The following NOS2 variants were observed in gnomAD, a reference collection of about 807,000 sequenced individuals.
NOS2 encodes nitric oxide synthase 2, also known as nitric oxide synthase, inducible.
Under a neutral mutation model 136.0 loss-of-function variants are expected in NOS2, and 96 were observed. That is an observed-to-expected ratio of 0.71 (90% confidence interval 0.60 to 0.84). The LOEUF (loss-of-function observed/expected upper bound fraction) is 0.84, where lower values mean the gene tolerates loss of function less well. Among genes scored for constraint, NOS2 ranks in the 40% least tolerant of loss-of-function variants. NOS2 has a pLI of 0.00. For synonymous variants in NOS2, 539 were observed against 587.5 expected (o/e 0.92, Z 1.20); for missense variants, 1,237 against 1,496.9 (o/e 0.83, Z 2.87).
At chr17:27,769,831 G>T (rs776090116) in intron 15 of NOS2, among the ~76,000 whole-genome samples, 7 of 152,214 alleles carry the variant, frequency 4.6e-5, no homozygotes, top group Non-Finnish European at 8.8e-5. Context: ...ACCTGGAACA[G>T]CTGGGCCCCC....
chr17:27,793,314 A>G (rs1567643506), intron 2 of NOS2, among the ~76,000 whole-genome samples: 2 of 152,106 alleles, frequency 1.3e-5, no homozygotes, highest in Non-Finnish European at 1.5e-5. Flanking sequence ...GTGCTGAAAA[A>G]TTTCAAAAGC....
Position 27,781,126 on chromosome 17 carries a change from C to T in NOS2, c.774G>A (p.Arg258=), listed in dbSNP as rs757008023. Residue 258 remains arginine (R), a synonymous_variant, in exon 8 of 27, where the codon CGG becomes CGA. Coordinates refer to ENST00000313735, the MANE Select transcript of NOS2 (RefSeq NM_000625.4). ...AGCGGATGAGCTGAGCATTCCACAC[C>T]CGGAAGTCGTGCTTGCCATCACTCC... ...PQRSDGKHDF[R]VWNAQLIRYA... The T allele has an allele frequency of 4.3e-6, 7 of 1,612,754 alleles. No individual in the cohort carries two copies. In the African/African-American group the frequency reaches 6.7e-5, roughly 15 times the overall value.
At chr17:27,786,213 G>C (rs1010535750) in intron 5 of NOS2, among the ~76,000 whole-genome samples, 6 of 151,838 alleles carry the variant, frequency 4.0e-5, no homozygotes, top group African/African-American at 1.5e-4. Flanking sequence ...ACAAGGTCAG[G>C]GGATTGAGAT....
rs201611859 is a variant in NOS2 at position 27,762,977 on chromosome 17, G to A, written c.2621C>T (p.Thr874Ile). The change falls in exon 22 of 27, where the codon ACC becomes ATC. Residue 874 changes from threonine to isoleucine, a missense_variant. Physicochemically the swap from Thr to Ile is moderately conservative, Grantham distance 89. Transcript: ENST00000313735. ...CACCTCCAGGAATGTGGGGCTGTTG[G>A]TGAACTTCCACTTGCTGTACTCTGA... ...QPSEYSKWKF[T>I]NSPTFLEVLE... The A allele has an allele frequency of 5.0e-6, 8 of 1,604,574 alleles. No individual in the cohort carries two copies. Among genetic ancestry groups the A allele is most frequent in the Non-Finnish European group, 6.8e-6 (8 of 1,176,134 alleles).
chr17:27,798,197 C>T (rs1250915139), intron 2 of NOS2, among the ~76,000 whole-genome samples: 2 of 152,214 alleles, frequency 1.3e-5, no homozygotes, highest in African/African-American at 4.8e-5. Flanking sequence ...GAGAGGTTAA[C>T]TTACCCTGCG....
intron 18 of NOS2, among the ~76,000 whole-genome samples, chr17:27,767,066 T>C (rs757437583): frequency 6.7e-6 from 1 of 150,010 alleles, no homozygotes; most frequent in East Asian, 2.0e-4. Context: ...GTGTTGCTTC[T>C]AGGTGTTGGG....
At position 27,772,381 on chromosome 17, in the gene NOS2, G is replaced by C; in HGVS notation, c.1631C>G (p.Ala544Gly). 6.2e-7 allele frequency: 1 copy of C among 1,614,098 alleles called. No homozygotes were observed. The highest frequency in any genetic ancestry group is 8.5e-7 in the Non-Finnish European group (1 of 1,180,020). ...ASRVRVTILFATETGKSEALA... is the reference protein window; with the variant it reads ...ASRVRVTILFGTETGKSEALA... ...CGCCTCTGATTTTCCTGTCTCTGTCGCAAAGAGGATGGTGACTCTGACTCG... is the reference window on the plus strand; with the variant it reads ...CGCCTCTGATTTTCCTGTCTCTGTCCCAAAGAGGATGGTGACTCTGACTCG... The change falls in exon 14 of 27, where the codon GCG (alanine) becomes GGG (glycine). Residue 544 changes from alanine (A) to glycine (G), a missense_variant. Ala to Gly is a moderately conservative substitution (Grantham distance 60). This residue lies in a region of NOS2 where 782 missense variants were observed against 909.9 expected (regional missense o/e 0.86). Transcript: ENST00000313735.
intron 5 of NOS2, among the ~76,000 whole-genome samples, chr17:27,783,975 C>T (rs1337570156): frequency 6.6e-6 from 1 of 152,216 alleles, no homozygotes; most frequent in Non-Finnish European, 1.5e-5. Context: ...CAGAAAAGAG[C>T]TGCCCACGTC....
intron 2 of NOS2, among the ~76,000 whole-genome samples, chr17:27,795,179 C>T (rs1216096739): frequency 2.6e-5 from 4 of 152,234 alleles, no homozygotes; most frequent in Non-Finnish European, 2.9e-5. Context: ...TCCGTTTCCC[C>T]GTTTCCTTCC....
In NOS2 at chr17:27,767,859, T is replaced by G. The variant is rs768548997; in HGVS notation, c.2035-22A>C. On this transcript the variant is annotated intron_variant, in intron 17 of 26. Transcript: ENST00000313735. The stretch of plus-strand genomic sequence containing the variant: ...CTGCCTGGAAGAAGGTGGAGCAGAC[T>G]GCGGTTAATGGTCAGCAGCAGCAGC... The G allele has an allele frequency of 3.8e-5, 62 of 1,610,438 alleles. No individual in the cohort carries two copies. In the African/African-American group the frequency reaches 7.7e-4, roughly 20 times the overall value.
Position 27,765,651 on chromosome 17 carries a change from T to C in NOS2, c.2312A>G (p.Glu771Gly). ...DGQGLNYLPG[E>G]HLGVCPGNQP... ...GTTGCCTGGGCAAACCCCAAGGTGC[T>C]CCCCCGGCAGGTAGTTCAGGCCTTG... Residue 771 changes from glutamate (E) to glycine (G), a missense_variant, in exon 20 of 27, where the codon GAG (glutamate) becomes GGG (glycine). Transcript: ENST00000313735. 1.2e-6 allele frequency: 2 copies of C among 1,613,330 alleles called. No individual in the cohort carries two copies. Among genetic ancestry groups the C allele is most frequent in the Non-Finnish European group, 1.7e-6 (2 of 1,179,976 alleles).
chr17:27,771,612 G>A (rs28999409), intron 14 of NOS2, among the ~76,000 whole-genome samples: 3,111 of 152,360 alleles, frequency 0.02, 113 homozygotes, highest in East Asian at 0.18. Flanking sequence ...TCATCCCATC[G>A]TGGCATTACA....
intron 4 of NOS2, 98 bp from the exon 5 acceptor site, chr17:27,787,924 G>T: frequency 3.8e-6 from 5 of 1,324,612 alleles, no homozygotes; most frequent in Non-Finnish European, 5.2e-6. Flanking sequence ...CTCTCTGGCT[G>T]CTCCGGCTCC....
intron 11 of NOS2, among the ~76,000 whole-genome samples, chr17:27,777,787 A>G (rs948127733): frequency 5.9e-5 from 9 of 152,166 alleles, no homozygotes; most frequent in Non-Finnish European, 1.2e-4. Context: ...GCTTATGCCT[A>G]TAATCCCAGC....
rs1304437415 is a variant in NOS2 at position 27,781,057 on chromosome 17, A to G, written c.843T>C (p.Pro281=). The G allele has an allele frequency of 6.2e-7, 1 of 1,613,704 alleles. No individual in the cohort carries two copies. Among genetic ancestry groups the G allele is most frequent in the South Asian group, 1.1e-5 (1 of 91,066 alleles). The stretch of plus-strand genomic sequence containing the variant: ...GTACCTGAGTGAATTCCACGTTGGC[A>G]GGGTCCCCTCTGATGCTGCCATCTG... ...QMPDGSIRGD[P]ANVEFTQLCI... Residue 281 remains proline, a synonymous_variant, in exon 8 of 27, where the codon CCT becomes CCC. Transcript: ENST00000313735.
rs1319632737 is a variant in NOS2, at chr17:27,766,492, C to A, written c.2246+18G>T. ...AATCGACAGAGTATCACCCACGAAG[C>A]CCTGCACTTTCCCTTACCTGGATGT... On this transcript the variant is annotated intron_variant, in intron 19 of 26. Transcript: ENST00000313735. The A allele has an allele frequency of 6.2e-7, 1 of 1,600,660 alleles. No homozygotes were observed. The highest frequency in any genetic ancestry group is 1.3e-5 in the African/African-American group (1 of 74,720).
In NOS2 at chr17:27,780,836, T is replaced by C. The variant is rs753940907; in HGVS notation, c.935A>G (p.Asn312Ser). 3.7e-5 allele frequency: 59 copies of C among 1,614,188 alleles called. No homozygotes were observed. Among genetic ancestry groups the C allele is most frequent in the Non-Finnish European group, 3.6e-5 (42 of 1,180,018 alleles). Residue 312 changes from asparagine (N) to serine (S), a missense_variant, in exon 9 of 27, where the codon AAT (asparagine) becomes AGT (serine). Coordinates refer to ENST00000313735, the MANE Select transcript of NOS2 (RefSeq NM_000625.4). Reference sequence around the variant, plus strand: ...TTCGAAGAGCTCAGGGTCACGGCCATTGGCCTGCAGGACCAGGGGGACCAC... The same window carrying C: ...TTCGAAGAGCTCAGGGTCACGGCCACTGGCCTGCAGGACCAGGGGGACCAC... The part of the protein sequence containing the change: ...FDVVPLVLQA[N>S]GRDPELFEIP...
At position 27,789,597 on chromosome 17, in the gene NOS2, C is replaced by G. The variant is rs201270845; in HGVS notation, c.195+7G>C. 5.7e-5 allele frequency: 91 copies of G among 1,610,256 alleles called. No individual in the cohort carries two copies. The African/African-American group carries it at 1.2e-3, about 21-fold the overall frequency. Reference sequence around the variant, plus strand: ...AGGGGCTTCCCACACCCATGTGACTCACTGACCTTTCCCGTCTCCACGAGG... The same window carrying G: ...AGGGGCTTCCCACACCCATGTGACTGACTGACCTTTCCCGTCTCCACGAGG... On this transcript the variant is annotated splice_region_variant and intron_variant, in intron 3 of 26. Transcript: ENST00000313735.
intron 19 of NOS2, 61 bp from the exon 20 acceptor site, chr17:27,765,777 G>A (rs1908282451): frequency 9.4e-6 from 14 of 1,485,438 alleles, no homozygotes; most frequent in Middle Eastern, 1.8e-4. Context: ...GCTCCTTGAT[G>A]GGCAGGCGAG....
Sources: allele counts gnomAD v4.1 joint callset (sites outside exome capture counted in the v4.1 genomes callset), GRCh38; gene constraint gnomAD v4.1.1; regional missense constraint gnomAD v4.1.1; transcripts MANE v1.5; gene names NCBI Gene and HGNC (gene_info 2026-07-23, HGNC 2026-07-21).